The following CFAP54 variants were observed in gnomAD, a reference collection of about 807,000 sequenced individuals.
CFAP54 encodes cilia- and flagella-associated protein 54.
CFAP54 carries 290 observed loss-of-function variants against 370.4 expected under a neutral mutation model. That is an observed-to-expected ratio of 0.78 (90% confidence interval 0.71 to 0.86). The LOEUF is 0.86. CFAP54 is among the 40% of genes least tolerant of loss of function. The pLI is 0.00. For synonymous variants in CFAP54, 1,206 were observed against 1,236.5 expected, an observed-to-expected ratio of 0.98 and a Z score of 0.52; for missense variants, 3,399 against 3,528.7, an observed-to-expected ratio of 0.96 and a Z score of 0.93.
chr12:96,682,796 G>A (rs1375000017), intron 40 of CFAP54, among the ~76,000 whole-genome samples: 2 of 152,204 alleles, frequency 1.3e-5, no homozygotes, highest in Non-Finnish European at 2.9e-5. Context: ...ACAGCCTGGA[G>A]ACAGAAGAAG....
intron 26 of CFAP54, among the ~76,000 whole-genome samples, chr12:96,616,644 G>A (rs1408675287): frequency 2.0e-5 from 3 of 152,152 alleles, no homozygotes; most frequent in African/African-American, 4.8e-5. Context: ...GATTATTAAC[G>A]TTAATCACTC....
chr12:96,797,248 AGT>A (rs1320036801), intron 63 of CFAP54, among the ~76,000 whole-genome samples: 1 of 152,006 alleles, frequency 6.6e-6, no homozygotes, highest in Non-Finnish European at 1.5e-5. Context: ...TCACCAGGAA[AGT>A]GTTAATTGTG....
At position 96,512,131 on chromosome 12, in the gene CFAP54, TTA is replaced by T. The variant is rs142346061; in HGVS notation, c.740-851_740-850del. ...ACACACCTTGATAATAGGAAAAATG[TTA>T]TATGAGTCTGAGAGTGAATATAACG... On this transcript the variant is annotated intron_variant, in intron 4 of 67. Coordinates refer to ENST00000524981, the MANE Select transcript of CFAP54 (RefSeq NM_001306084.2). Among the ~76,000 whole-genome samples the T allele has an allele frequency of 2.6e-3, 389 of 151,922 alleles. 1 individual carries two copies. Among genetic ancestry groups the T allele is most frequent in the African/African-American group, 8.9e-3 (367 of 41,462 alleles).
chr12:96,574,827 T>C (rs1480506908), intron 19 of CFAP54, among the ~76,000 whole-genome samples: 1 of 152,110 alleles, frequency 6.6e-6, no homozygotes, highest in African/African-American at 2.4e-5. Flanking sequence ...GACTGGTCTG[T>C]GTTTTTATGT....
In CFAP54 at chr12:96,647,959, T is replaced by C; in HGVS notation, c.4632T>C (p.Tyr1544=). ...LPTRKLTVEN[Y]KAMLDFLLTA... ...CAAGAAAATTGACTGTAGAAAATTA[T>C]AAAGCAATGCTTGATTTCCTTCTTA... The change falls in exon 34 of 68, where the codon TAT becomes TAC. Residue 1544 remains tyrosine, a synonymous_variant. Transcript: ENST00000524981. 1 of 1,524,124 alleles carries C rather than the reference T, an allele frequency of 6.6e-7. No homozygotes were observed. Among genetic ancestry groups the C allele is most frequent in the Non-Finnish European group, 8.7e-7 (1 of 1,143,508 alleles). The allele number at this position is 1,524,124 out of a possible 1,614,324, so 94.4% of individuals were successfully genotyped here.
chr12:96,565,406 AT>A (rs1555241003), intron 19 of CFAP54, among the ~76,000 whole-genome samples: 9 of 151,820 alleles, frequency 5.9e-5, no homozygotes, highest in Admixed American at 2.0e-4. Context: ...ATTAAAAAAA[AT>A]TTTTTTTGGT....
chr12:96,519,000 A>G lies in CFAP54; in HGVS notation c.871A>G (p.Thr291Ala). The G allele has an allele frequency of 6.5e-7, 1 of 1,535,862 alleles. No homozygotes were observed. ...CCCGCTCCTGTCACTCAGGTACTTGACATGGCGCGCTACTCTCTACACAGC... is the reference window on the plus strand; with the variant it reads ...CCCGCTCCTGTCACTCAGGTACTTGGCATGGCGCGCTACTCTCTACACAGC... ...LVPLLSLRYLTWRATLYTAVC... is the reference protein window; with the variant it reads ...LVPLLSLRYLAWRATLYTAVC... Residue 291 changes from threonine to alanine, a missense_variant, in exon 6 of 68, where the codon ACA becomes GCA. Physicochemically the swap from Thr to Ala is moderately conservative, Grantham distance 58 (BLOSUM62 0). Coordinates refer to ENST00000524981, the MANE Select transcript of CFAP54 (RefSeq NM_001306084.2).
At chr12:96,509,292 G>A (rs1955140373) in intron 4 of CFAP54, among the ~76,000 whole-genome samples, 1 of 152,160 alleles carries the variant, frequency 6.6e-6, no homozygotes, top group Non-Finnish European at 1.5e-5. Flanking sequence ...GGTATCTGGT[G>A]GAAGGGCATT....
chr12:96,785,525 T>C (rs1958620376), intron 61 of CFAP54, among the ~76,000 whole-genome samples: 1 of 152,042 alleles, frequency 6.6e-6, no homozygotes, highest in African/African-American at 2.4e-5. Context: ...GAAGGGCAAA[T>C]AGGCTGAGTC....
chr12:96,528,126 A>G (rs1162553273), intron 9 of CFAP54, among the ~76,000 whole-genome samples: 1 of 152,156 alleles, frequency 6.6e-6, no homozygotes, highest in Non-Finnish European at 1.5e-5. Context: ...CCTCAGTTGG[A>G]AAGCTTTCAA....
intron 65 of CFAP54, among the ~76,000 whole-genome samples, chr12:96,823,345 A>G (rs1959053883): frequency 6.6e-6 from 1 of 152,162 alleles, no homozygotes; most frequent in Admixed American, 6.6e-5. Context: ...CAGAGGGCTT[A>G]TTCATCATTA....
chr12:96,743,991 G>A, intron 54 of CFAP54, 29 bp from the exon 55 acceptor site: 1 of 1,604,666 alleles, frequency 6.2e-7, no homozygotes, highest in Non-Finnish European at 8.5e-7. Context: ...TCAACTAATT[G>A]CTCATTACAA....
intron 8 of CFAP54, among the ~76,000 whole-genome samples, chr12:96,526,907 T>C (rs1415705376): frequency 2.7e-5 from 4 of 148,614 alleles, no homozygotes; most frequent in Admixed American, 2.7e-4. Context: ...TTTTTTTTTT[T>C]TGCCTGAGAC....
chr12:96,829,848 T>C (rs1451377792), intron 66 of CFAP54, among the ~76,000 whole-genome samples: 1 of 152,104 alleles, frequency 6.6e-6, no homozygotes, highest in Non-Finnish European at 1.5e-5. Context: ...ATAGAAACTT[T>C]ATATCCATTA....
At chr12:96,744,199 G>T in intron 55 of CFAP54, 53 bp downstream of exon 55, 1 of 1,477,684 alleles carries the variant, frequency 6.8e-7, no homozygotes, top group East Asian at 2.3e-5. Context: ...AACTTTTTAA[G>T]TTATTTTTAG....
At chr12:96,826,842 AAT>A (rs994852699) in intron 65 of CFAP54, among the ~76,000 whole-genome samples, 15 of 116,440 alleles carry the variant, frequency 1.3e-4, no homozygotes, top group African/African-American at 5.1e-4. Flanking sequence ...TATATCATAT[AAT>A]ATTATATAAT....
At chr12:96,621,124 G>A (rs892127017) in intron 26 of CFAP54, among the ~76,000 whole-genome samples, 6 of 152,308 alleles carry the variant, frequency 3.9e-5, no homozygotes, top group Middle Eastern at 3.4e-3. Flanking sequence ...TAGTCCTCTA[G>A]CAGAATGTCT....
chr12:96,664,759 ATATATC>A (rs1295272845), intron 39 of CFAP54, among the ~76,000 whole-genome samples: 17 of 26,108 alleles, frequency 6.5e-4, no homozygotes, highest in Admixed American at 1.6e-3. Flanking sequence ...ATATATCTAT[ATATATC>A]TATATCTATA....
At chr12:96,704,442 A>ATG (rs1957524216) in intron 46 of CFAP54, among the ~76,000 whole-genome samples, 5 of 93,610 alleles carry the variant, frequency 5.3e-5, no homozygotes, top group African/African-American at 4.1e-5. Flanking sequence ...AAAAAAAAAA[A>ATG]TGTATGTGTG....
Sources: gnomAD v4.1 joint callset for allele counts (sites outside exome capture counted in the v4.1 genomes callset) on GRCh38, gnomAD v4.1.1 for gene constraint, MANE v1.5 for transcripts, NCBI Gene and HGNC (gene_info 2026-07-23, HGNC 2026-07-21) for gene names.